CDH13: variants seen among roughly 807,000 people sequenced by gnomAD.
The protein encoded by CDH13 is cadherin 13, also known as cadherin-13.
Under a neutral mutation model 63.8 loss-of-function variants are expected in CDH13, and 24 were observed. The ratio of observed to expected loss-of-function variants is 0.38; its 90% confidence interval spans 0.27 to 0.53. The LOEUF (loss-of-function observed/expected upper bound fraction) is 0.53. Among genes scored for constraint, CDH13 ranks in the 20% least tolerant of loss-of-function variants. The pLI, the probability that CDH13 is intolerant of heterozygous loss-of-function variation, is 0.85. For synonymous variants in CDH13, 503 were observed against 355.3 expected (o/e 1.42, Z -4.67); for missense variants, 1,049 against 903.1 (o/e 1.16, Z -2.07).
At chr16:83,227,564 C>G (rs1000089326) in intron 5 of CDH13, among the ~76,000 whole-genome samples, 2 of 152,222 alleles carry the variant, frequency 1.3e-5, no homozygotes, top group African/African-American at 4.8e-5. Context: ...TTACCCATCT[C>G]GATTCTGGCC....
chr16:83,518,503 G>A (rs1295358913), intron 7 of CDH13, among the ~76,000 whole-genome samples: 1 of 133,772 alleles, frequency 7.5e-6, no homozygotes, highest in Non-Finnish European at 1.6e-5. Context: ...GACGGAGTCT[G>A]GCTCTGTCTC....
At chr16:82,807,451 C>T (rs2037203479) in intron 1 of CDH13, among the ~76,000 whole-genome samples, 1 of 152,054 alleles carries the variant, frequency 6.6e-6, no homozygotes, top group African/African-American at 2.4e-5. Context: ...ATAGAGGATT[C>T]CAAGATCAAG....
In CDH13 at chr16:83,265,727, C is replaced by CTTTTTTTTTTTTTTTTTTTTTTTTTTTT. The variant is rs71272416; in HGVS notation, c.636+48256_636+48257insTTTTTTTTTTTTTTTTTTTTTTTTTTTT. ...GTTTTCTGTTGCTTCTAAATTTCTGCTTTTTTTTTTTTTTTTTTTTTTTTT... is the reference window on the plus strand; with the variant it reads ...GTTTTCTGTTGCTTCTAAATTTCTGCTTTTTTTTTTTTTTTTTTTTTTTTTTTTTTTTTTTTTTTTTTTTTTTTTTTTT... On this transcript the variant is annotated intron_variant, in intron 5 of 13. Transcript: ENST00000567109. Among the ~76,000 whole-genome samples, 4 of 42,542 alleles carry CTTTTTTTTTTTTTTTTTTTTTTTTTTTT rather than the reference C, an allele frequency of 9.4e-5. 1 individual carries two copies. The highest frequency in any genetic ancestry group is 4.7e-4 in the African/African-American group (4 of 8,584). 27.9% of individuals were successfully genotyped at this position (42,542 alleles called of 152,430 possible).
intron 10 of CDH13, among the ~76,000 whole-genome samples, chr16:83,687,300 A>G (rs1904401633): frequency 1.3e-5 from 2 of 152,212 alleles, no homozygotes; most frequent in African/African-American, 4.8e-5. Flanking sequence ...TATAAAGAAA[A>G]TGATTTAATT....
intron 3 of CDH13, among the ~76,000 whole-genome samples, chr16:83,048,256 A>G (rs1451818874): frequency 6.6e-6 from 1 of 152,218 alleles, no homozygotes; most frequent in Non-Finnish European, 1.5e-5. Flanking sequence ...TGAGTTTTGA[A>G]AAGAACTCAA....
chr16:82,806,226 C>G (rs1321122742), intron 1 of CDH13, among the ~76,000 whole-genome samples: 1 of 152,168 alleles, frequency 6.6e-6, no homozygotes, highest in African/African-American at 2.4e-5. Context: ...AAGACATGCC[C>G]TTGTCCCTTC....
chr16:83,313,105 C>T (rs1439503293), intron 5 of CDH13, among the ~76,000 whole-genome samples: 1 of 152,190 alleles, frequency 6.6e-6, no homozygotes, highest in South Asian at 2.1e-4. Flanking sequence ...GAAGCTCATG[C>T]ACATGCTCAT....
intron 2 of CDH13, among the ~76,000 whole-genome samples, chr16:82,979,835 A>G (rs1910024387): frequency 6.6e-6 from 1 of 152,170 alleles, no homozygotes; most frequent in Non-Finnish European, 1.5e-5. Context: ...TAAAATTGGC[A>G]GGGGGAAAGT....
intron 1 of CDH13, among the ~76,000 whole-genome samples, chr16:82,760,999 G>A (rs1458643125): frequency 9.0e-6 from 1 of 111,016 alleles, no homozygotes; most frequent in African/African-American, 3.1e-5. Flanking sequence ...CAACTCTGGG[G>A]TTCACATTTC....
rs528419576 is a variant in CDH13 at position 82,679,271 on chromosome 16, A to G, written c.45+52134A>G. 2.6e-5 allele frequency among the ~76,000 whole-genome samples: 4 copies of G among 152,222 alleles called. No homozygotes were observed. The South Asian group carries it at 8.3e-4, about 32-fold the overall frequency. ...GAGGCCAGGTGCTGTCTGATCATAT[A>G]CCTGGGAAGCTGTTGTTGATCACGT... is the stretch of plus-strand genomic sequence containing the variant. On this transcript the variant is annotated intron_variant, in intron 1 of 13. Coordinates refer to ENST00000567109, the MANE Select transcript of CDH13 (RefSeq NM_001257.5).
At chr16:83,271,161 C>T (rs2088794895) in intron 5 of CDH13, among the ~76,000 whole-genome samples, 1 of 151,854 alleles carries the variant, frequency 6.6e-6, no homozygotes, top group African/African-American at 2.4e-5. Context: ...ATACATGTAC[C>T]TTTGAGGTCT....
intron 8 of CDH13, among the ~76,000 whole-genome samples, chr16:83,627,109 C>G (rs1910376967): frequency 7.6e-6 from 1 of 131,418 alleles, no homozygotes; most frequent in Non-Finnish European, 1.6e-5. Context: ...ATGAGGAAAC[C>G]CCATCTCCAC....
At chr16:82,869,156 C>G (rs1567616021) in intron 2 of CDH13, among the ~76,000 whole-genome samples, 1 of 152,168 alleles carries the variant, frequency 6.6e-6, no homozygotes, top group Non-Finnish European at 1.5e-5. Context: ...AAGCTATTCT[C>G]ATGCCTCAGC....
At chr16:83,706,970 G>A (rs1907167621) in intron 10 of CDH13, among the ~76,000 whole-genome samples, 1 of 152,124 alleles carries the variant, frequency 6.6e-6, no homozygotes, top group Non-Finnish European at 1.5e-5. Flanking sequence ...GCACCATAAT[G>A]GAAAGTCTCA....
chr16:83,508,789 A>G lies in CDH13; in HGVS notation c.960+22134A>G, dbSNP rs534033923. On this transcript the variant is annotated intron_variant, in intron 7 of 13. Coordinates refer to ENST00000567109, the MANE Select transcript of CDH13 (RefSeq NM_001257.5). ...ATTGTATCCTGAATAAGCTATTTGC[A>G]CTCAAATAGGCAGAGAGCTAGCTGG... Among the ~76,000 whole-genome samples, 13 of 152,238 alleles carry G rather than the reference A, an allele frequency of 8.5e-5. No homozygotes were observed. In the South Asian group the frequency reaches 2.1e-3, roughly 24 times the overall value.
intron 1 of CDH13, among the ~76,000 whole-genome samples, chr16:82,761,005 A>C (rs537307637): frequency 1.4e-5 from 1 of 70,350 alleles, no homozygotes; most frequent in Admixed American, 1.8e-4. Context: ...TGGGGTTCAC[A>C]TTTCTTTCTT....
At chr16:83,029,336 G>A (rs1170479460) in intron 2 of CDH13, among the ~76,000 whole-genome samples, 1 of 152,134 alleles carries the variant, frequency 6.6e-6, no homozygotes, top group East Asian at 1.9e-4. Context: ...CTATGTAGCT[G>A]TTGTTACCAA....
intron 1 of CDH13, among the ~76,000 whole-genome samples, chr16:82,834,148 C>T (rs1442629621): frequency 6.6e-6 from 1 of 152,182 alleles, no homozygotes; most frequent in Admixed American, 6.5e-5. Flanking sequence ...TCTTGATGCA[C>T]TAAAGGCAAA....
At chr16:83,645,624 A>G (rs1911719869) in intron 8 of CDH13, among the ~76,000 whole-genome samples, 2 of 151,914 alleles carry the variant, frequency 1.3e-5, no homozygotes, top group South Asian at 2.1e-4. Context: ...GTGTGGCATT[A>G]CAGAAACCTC....
Sources: gnomAD v4.1 joint callset for allele counts (sites outside exome capture counted in the v4.1 genomes callset) on GRCh38, gnomAD v4.1.1 for gene constraint, MANE v1.5 for transcripts, NCBI Gene and HGNC (gene_info 2026-07-23, HGNC 2026-07-21) for gene names.